Variants in COL23A1 observed in about 807,000 individuals in gnomAD.
The protein encoded by COL23A1 is collagen alpha-1(XXIII) chain.
A neutral mutation model predicts 99.3 loss-of-function variants in COL23A1; 97 were observed. That is an observed-to-expected ratio of 0.98 (90% CI 0.83 to 1.16). The LOEUF (loss-of-function observed/expected upper bound fraction) is 1.16, where lower values mean the gene tolerates loss of function less well. Ranked by LOEUF, COL23A1 falls within the 50% of genes most tolerant of loss-of-function variation. The probability of loss-of-function intolerance (pLI) is 0.00; values close to 1 mark genes in which losing one functional copy is unlikely to be tolerated. For synonymous variants in COL23A1, 320 were observed against 308.2 expected (o/e 1.04, Z -0.40); for missense variants, 762 against 757.4 (o/e 1.01, Z -0.07).
At chr5:178,456,917 G>A (rs181317182) in intron 2 of COL23A1, among the ~76,000 whole-genome samples, 11 of 152,224 alleles carry the variant, frequency 7.2e-5, no homozygotes, top group Non-Finnish European at 1.6e-4. Context: ...AACTATAACC[G>A]TCCAACAAGC....
intron 1 of COL23A1, among the ~76,000 whole-genome samples, chr5:178,563,089 G>T (rs1762683331): frequency 6.6e-6 from 1 of 152,162 alleles, no homozygotes; most frequent in African/African-American, 2.4e-5. Flanking sequence ...GGTACTCCAG[G>T]GGGTGCCTTT....
chr5:178,491,346 G>A (rs1209197476), intron 2 of COL23A1, among the ~76,000 whole-genome samples: 2 of 151,968 alleles, frequency 1.3e-5, no homozygotes, highest in East Asian at 1.9e-4. Flanking sequence ...CCTCCATTAC[G>A]AACTGCCTGA....
chr5:178,320,331 C>T (rs956775321), intron 2 of COL23A1, among the ~76,000 whole-genome samples: 8 of 152,130 alleles, frequency 5.3e-5, no homozygotes, highest in African/African-American at 1.7e-4. Context: ...TGGTTGGCCT[C>T]GCTGGCACAG....
At chr5:178,546,722 T>C (rs1332484850) in intron 2 of COL23A1, among the ~76,000 whole-genome samples, 1 of 152,204 alleles carries the variant, frequency 6.6e-6, no homozygotes, top group Non-Finnish European at 1.5e-5. Context: ...CCAGTCCTAT[T>C]TGTACCATGT....
chr5:178,509,703 T>A (rs1366558129), intron 2 of COL23A1, among the ~76,000 whole-genome samples: 1 of 152,070 alleles, frequency 6.6e-6, no homozygotes, highest in East Asian at 1.9e-4. Context: ...CTAACCAGCA[T>A]CTAAGCACAG....
At chr5:178,279,695 C>T (rs966654551) in intron 5 of COL23A1, among the ~76,000 whole-genome samples, 1 of 152,184 alleles carries the variant, frequency 6.6e-6, no homozygotes, top group Non-Finnish European at 1.5e-5. Flanking sequence ...TCCAGGGACA[C>T]AGGCTTCTCA....
chr5:178,257,602 C>A (rs1439153512), intron 12 of COL23A1, 35 bp from the exon 13 acceptor site: 5 of 1,550,378 alleles, frequency 3.2e-6, no homozygotes, highest in East Asian at 2.4e-5. Context: ...GCCGGTCAGA[C>A]CCTCGGGTGG....
In COL23A1 at chr5:178,523,201, T is replaced by TATATAGAGAG. The variant is rs1223542330; in HGVS notation, c.361+37480_361+37481insCTCTCTATAT. Among the ~76,000 whole-genome samples the TATATAGAGAG allele has an allele frequency of 5.3e-3, 412 of 77,550 alleles. 1 individual carries two copies. The highest frequency in any genetic ancestry group is 7.5e-3 in the Middle Eastern group (1 of 134). The allele number at this position is 77,550 out of a possible 152,430, so 50.9% of individuals were successfully genotyped here. A position where few individuals can be genotyped will look rare whatever the true frequency, so the allele number is the denominator to read the frequency against. On this transcript the variant is annotated intron_variant, in intron 2 of 28. Transcript: ENST00000390654. ...ATACACATATATATATATATATATA[T>TATATAGAGAG]AGAGAGAGAGAGAGAGAGAGAGAGA...
At chr5:178,529,259 G>A (rs764281047) in intron 2 of COL23A1, among the ~76,000 whole-genome samples, 1 of 151,958 alleles carries the variant, frequency 6.6e-6, no homozygotes, top group Non-Finnish European at 1.5e-5. Flanking sequence ...TGAGCAAGCG[G>A]CTCCTCCAGC....
At chr5:178,514,011 ACTT>A (rs1008701794) in intron 2 of COL23A1, among the ~76,000 whole-genome samples, 3 of 152,052 alleles carry the variant, frequency 2.0e-5, no homozygotes, top group Non-Finnish European at 4.4e-5. Context: ...CACCCACAGA[ACTT>A]CTTCATGTTG....
chr5:178,289,916 C>A (rs539773925), intron 4 of COL23A1, among the ~76,000 whole-genome samples: 1 of 152,262 alleles, frequency 6.6e-6, no homozygotes, highest in South Asian at 2.1e-4. Context: ...TTTTTCCCCC[C>A]AAACACATGA....
At chr5:178,357,092 C>T (rs1761699237) in intron 2 of COL23A1, among the ~76,000 whole-genome samples, 2 of 152,226 alleles carry the variant, frequency 1.3e-5, no homozygotes, top group South Asian at 4.1e-4. Flanking sequence ...GATGTACTTC[C>T]CTTTACTCGA....
chr5:178,455,236 G>A (rs115349120), intron 2 of COL23A1, among the ~76,000 whole-genome samples: 372 of 152,344 alleles, frequency 2.4e-3, no homozygotes, highest in African/African-American at 8.5e-3. Flanking sequence ...CTGGGTCACC[G>A]ATGAAGGCGT....
At chr5:178,442,071 A>G (rs901926177) in intron 2 of COL23A1, among the ~76,000 whole-genome samples, 1 of 151,988 alleles carries the variant, frequency 6.6e-6, no homozygotes, top group Admixed American at 6.5e-5. Flanking sequence ...CGTCCAACTG[A>G]GAAACCACGC....
chr5:178,527,526 C>T (rs140304546), intron 2 of COL23A1, among the ~76,000 whole-genome samples: 13 of 152,320 alleles, frequency 8.5e-5, no homozygotes, highest in South Asian at 2.1e-4. Flanking sequence ...GCGGCTGGCC[C>T]GGGTGGATGG....
At chr5:178,402,304 A>AGC (rs1223454759) in intron 2 of COL23A1, among the ~76,000 whole-genome samples, 3 of 152,058 alleles carry the variant, frequency 2.0e-5, no homozygotes, top group Non-Finnish European at 4.4e-5. Flanking sequence ...CAGCCTGGAC[A>AGC]ATGTGGTGAG....
chr5:178,367,708 T>C (rs533136586), intron 2 of COL23A1, among the ~76,000 whole-genome samples: 142 of 152,352 alleles, frequency 9.3e-4, no homozygotes, highest in African/African-American at 3.4e-3. Flanking sequence ...GGCTCTCTTT[T>C]CTTTCTAGCA....
At chr5:178,582,734 T>G (rs551466108) in intron 1 of COL23A1, among the ~76,000 whole-genome samples, 2 of 152,150 alleles carry the variant, frequency 1.3e-5, no homozygotes, top group Non-Finnish European at 2.9e-5. Context: ...CCAGGCTACA[T>G]GCACCTCACC....
chr5:178,360,782 C>T (rs1465113000), intron 2 of COL23A1, among the ~76,000 whole-genome samples: 4 of 152,252 alleles, frequency 2.6e-5, no homozygotes, highest in Non-Finnish European at 5.9e-5. Flanking sequence ...TGCTGCTATA[C>T]TTCTGCTGTG....
Sources: gnomAD v4.1 joint callset for allele counts (sites outside exome capture counted in the v4.1 genomes callset) on GRCh38, gnomAD v4.1.1 for gene constraint, MANE v1.5 for transcripts, NCBI Gene and HGNC (gene_info 2026-07-23, HGNC 2026-07-21) for gene names.